Variants in CREB3L1 observed in about 807,000 individuals in gnomAD.
The protein encoded by CREB3L1 is cAMP responsive element binding protein 3 like 1.
CREB3L1 carries 33 observed loss-of-function variants against 54.5 expected under a neutral mutation model. That is an observed-to-expected ratio of 0.61 (90% CI 0.46 to 0.81). CREB3L1 has a LOEUF of 0.81. Among genes scored for constraint, CREB3L1 ranks in the 30% least tolerant of loss-of-function variants. The probability of loss-of-function intolerance (pLI) is 0.00; values close to 1 mark genes in which losing one functional copy is unlikely to be tolerated. For synonymous variants in CREB3L1, 284 were observed against 286.4 expected (o/e 0.99, Z 0.08); for missense variants, 656 against 673.3 (o/e 0.97, Z 0.29).
In CREB3L1 at chr11:46,321,399, A is replaced by C; in HGVS notation, c.*653A>C. On this transcript the variant is annotated 3_prime_UTR_variant, in exon 12 of 12. Transcript: ENST00000621158. Reference sequence around the variant, plus strand: ...GCTTTAAGAAAGCAAAACCAAAAAAAAAAAAAAAAAGATGCAGCATCAACT... The same window carrying C: ...GCTTTAAGAAAGCAAAACCAAAAAACAAAAAAAAAAGATGCAGCATCAACT... The C allele has an allele frequency of 5.0e-6, 1 of 198,044 alleles. No homozygotes were observed. Among genetic ancestry groups the C allele is most frequent in the South Asian group, 1.8e-4 (1 of 5,554 alleles). 12.3% of individuals were successfully genotyped at this position (198,044 alleles called of 1,614,324 possible).
intron 1 of CREB3L1, among the ~76,000 whole-genome samples, chr11:46,279,729 C>T (rs991917551): frequency 6.6e-6 from 1 of 152,186 alleles, no homozygotes; most frequent in African/African-American, 2.4e-5. Flanking sequence ...TGGTAAAAGA[C>T]ACTAGTCAGA....
chr11:46,289,712 T>A (rs1354248162), intron 1 of CREB3L1, among the ~76,000 whole-genome samples: 1 of 152,152 alleles, frequency 6.6e-6, no homozygotes, highest in African/African-American at 2.4e-5. Context: ...TTTAAGGAGC[T>A]GGGAATGGTC....
chr11:46,303,032 G>A (rs1301536195), intron 2 of CREB3L1, among the ~76,000 whole-genome samples: 3 of 152,244 alleles, frequency 2.0e-5, no homozygotes, highest in South Asian at 2.1e-4. Context: ...AGTTGTCTAG[G>A]TCACGCCCAC....
chr11:46,310,789 C>A, intron 4 of CREB3L1: 1 of 465,282 alleles, frequency 2.1e-6, no homozygotes, highest in Non-Finnish European at 3.7e-6. Context: ...CAAGGGCGAG[C>A]TTGTAAAGGA....
chr11:46,308,120 G>A, intron 3 of CREB3L1, 120 bp downstream of exon 3: 1 of 973,192 alleles, frequency 1.0e-6, no homozygotes, highest in Non-Finnish European at 1.5e-6. Flanking sequence ...TGAGCCTCAG[G>A]GCTGAGGGTG....
intron 10 of CREB3L1, among the ~76,000 whole-genome samples, chr11:46,318,315 G>A (rs143370658): frequency 5.9e-4 from 90 of 152,308 alleles, no homozygotes; most frequent in African/African-American, 1.8e-3. Context: ...GAAGGGTAGC[G>A]GTGGTGTGGG....
intron 2 of CREB3L1, among the ~76,000 whole-genome samples, chr11:46,303,415 C>T (rs1454014294): frequency 6.6e-6 from 1 of 152,068 alleles, no homozygotes; most frequent in Admixed American, 6.6e-5. Context: ...GAAGCCGAGG[C>T]AGGAGGATTG....
chr11:46,301,312 C>T (rs895733017), intron 2 of CREB3L1, among the ~76,000 whole-genome samples: 1 of 152,098 alleles, frequency 6.6e-6, no homozygotes, highest in Non-Finnish European at 1.5e-5. Flanking sequence ...TGCATTCCAA[C>T]CTGGGCAACA....
At chr11:46,282,447 C>T (rs1049156392) in intron 1 of CREB3L1, among the ~76,000 whole-genome samples, 34 of 152,266 alleles carry the variant, frequency 2.2e-4, no homozygotes, top group African/African-American at 4.1e-4. Flanking sequence ...CTAGGGCTTC[C>T]GTTTTCCCCA....
At chr11:46,305,734 A>G (rs143295960) in intron 2 of CREB3L1, among the ~76,000 whole-genome samples, 30,717 of 81,656 alleles carry the variant, frequency 0.38, 4,449 homozygotes, top group Middle Eastern at 0.49. Flanking sequence ...GTGTGTGTGT[A>G]TATATATATA....
At chr11:46,297,667 T>C (rs1939232985) in intron 1 of CREB3L1, among the ~76,000 whole-genome samples, 1 of 152,108 alleles carries the variant, frequency 6.6e-6, no homozygotes, top group African/African-American at 2.4e-5. Context: ...ACAACAGAAA[T>C]GTAGGATGAT....
intron 8 of CREB3L1, 66 bp from the exon 9 acceptor site, chr11:46,316,220 G>C: frequency 9.8e-7 from 1 of 1,016,022 alleles, no homozygotes; most frequent in Non-Finnish European, 1.5e-6. Context: ...CCCCCTAGGA[G>C]AGCTCCAGGA....
rs574931763 is a variant in CREB3L1, at chr11:46,318,174, C to T, written c.1258+687C>T. On this transcript the variant is annotated intron_variant, in intron 10 of 11. Transcript: ENST00000621158. Reference sequence around the variant, plus strand: ...CAGAAGTTGCAGTGAACCAAGATCACGCCACTGCAGTCCAGCCTGGGTGAC... The same window carrying T: ...CAGAAGTTGCAGTGAACCAAGATCATGCCACTGCAGTCCAGCCTGGGTGAC... 1.8e-4 allele frequency among the ~76,000 whole-genome samples: 28 copies of T among 151,956 alleles called. No individual in the cohort carries two copies. The East Asian group carries it at 3.7e-3, about 20-fold the overall frequency.
rs1202654242 is a variant in CREB3L1 at position 46,321,395 on chromosome 11, A to T, written c.*649A>T. 29 of 180,524 alleles carry T rather than the reference A, an allele frequency of 1.6e-4. No individual in the cohort carries two copies. The highest frequency in any genetic ancestry group is 2.0e-3 in the Middle Eastern group (1 of 494). 11.2% of individuals were successfully genotyped at this position (180,524 alleles called of 1,614,324 possible). Reference sequence around the variant, plus strand: ...ACATGCTTTAAGAAAGCAAAACCAAAAAAAAAAAAAAAAAGATGCAGCATC... The same window carrying T: ...ACATGCTTTAAGAAAGCAAAACCAATAAAAAAAAAAAAAAGATGCAGCATC... On this transcript the variant is annotated 3_prime_UTR_variant, in exon 12 of 12. Coordinates refer to ENST00000621158, the MANE Select transcript of CREB3L1 (RefSeq NM_052854.4).
At chr11:46,302,841 C>G (rs1402688225) in intron 2 of CREB3L1, among the ~76,000 whole-genome samples, 1 of 152,142 alleles carries the variant, frequency 6.6e-6, no homozygotes, top group East Asian at 1.9e-4. Flanking sequence ...ATTCACCAGG[C>G]ATGGTGGCGT....
At chr11:46,315,390 C>T (rs1365874887) in intron 8 of CREB3L1, 1 of 216,198 alleles carries the variant, frequency 4.6e-6, no homozygotes, top group Non-Finnish European at 9.3e-6. Context: ...CCCACCAAGC[C>T]TGTGCTGAAC....
intron 1 of CREB3L1, among the ~76,000 whole-genome samples, chr11:46,292,560 T>G (rs1346899693): frequency 6.6e-6 from 1 of 152,200 alleles, no homozygotes; most frequent in Non-Finnish European, 1.5e-5. Context: ...GGAGCCATGA[T>G]TCACTGATGA....
chr11:46,308,108 C>T, intron 3 of CREB3L1, 108 bp downstream of exon 3: 1 of 1,080,688 alleles, frequency 9.3e-7, no homozygotes, highest in Non-Finnish European at 1.3e-6. Flanking sequence ...AACAGGAAGA[C>T]ATGAGCCTCA....
intron 2 of CREB3L1, among the ~76,000 whole-genome samples, chr11:46,303,376 G>A (rs557484779): frequency 1.3e-5 from 2 of 152,320 alleles, no homozygotes; most frequent in East Asian, 3.9e-4. Context: ...CAAGTGCAGT[G>A]GCTCAGGCCT....
Sources: allele counts gnomAD v4.1 joint callset (sites outside exome capture counted in the v4.1 genomes callset), GRCh38; gene constraint gnomAD v4.1.1; transcripts MANE v1.5; gene names NCBI Gene and HGNC (gene_info 2026-07-23, HGNC 2026-07-21).